Variants in BOK observed in about 807,000 individuals in gnomAD.
BOK encodes BCL2 family apoptosis regulator BOK, also known as bcl-2-related ovarian killer protein.
A neutral mutation model predicts 18.3 loss-of-function variants in BOK; 20 were observed. The observed-to-expected ratio is 1.09, with a 90% CI of 0.77 to 1.59. The LOEUF is 1.59. BOK is among the 40% of genes most tolerant of loss of function. BOK has a pLI of 0.00. For missense variants in BOK, 348 were observed against 307.9 expected (o/e 1.13, Z -0.97); for synonymous variants, 173 against 142.4 (o/e 1.21, Z -1.53).
intron 3 of BOK, among the ~76,000 whole-genome samples, chr2:241,566,379 A>G (rs1575000652): frequency 1.4e-5 from 2 of 140,664 alleles, no homozygotes; most frequent in Admixed American, 7.2e-5. Flanking sequence ...GCTCACTGCA[A>G]CCTCCATTTC....
intron 3 of BOK, among the ~76,000 whole-genome samples, chr2:241,565,162 C>A (rs1304497886): frequency 6.6e-6 from 1 of 152,120 alleles, no homozygotes; most frequent in Non-Finnish European, 1.5e-5. Flanking sequence ...AAACCGGAGC[C>A]CACTCCCCTG....
At chr2:241,551,818 C>A (rs1001941021) in intron 1 of BOK, among the ~76,000 whole-genome samples, 1 of 152,064 alleles carries the variant, frequency 6.6e-6, no homozygotes, top group South Asian at 2.1e-4. Flanking sequence ...TCGACCGCAG[C>A]GAGGGTGGGC....
At chr2:241,566,296 T>A (rs892443706) in intron 3 of BOK, among the ~76,000 whole-genome samples, 7 of 84,100 alleles carry the variant, frequency 8.3e-5, no homozygotes, top group African/African-American at 3.7e-4. Flanking sequence ...CTTTTTTTTC[T>A]TTTTTCTTTT....
chr2:241,571,683 C>T (rs1326858376), intron 4 of BOK, among the ~76,000 whole-genome samples: 1 of 152,220 alleles, frequency 6.6e-6, no homozygotes. Context: ...TGAGCAACGC[C>T]AAGGCCACAG....
At chr2:241,565,639 C>T (rs1347354233) in intron 3 of BOK, among the ~76,000 whole-genome samples, 4 of 152,344 alleles carry the variant, frequency 2.6e-5, no homozygotes, top group Middle Eastern at 3.4e-3. Flanking sequence ...CCAGCCCCTC[C>T]ACTGCAGGCA....
chr2:241,572,453 C>A lies in BOK; in HGVS notation c.*31C>A. 3 of 1,583,648 alleles carry A rather than the reference C, an allele frequency of 1.9e-6. No homozygotes were observed. The highest frequency in any genetic ancestry group is 2.6e-6 in the Non-Finnish European group (3 of 1,172,274). ...CCACCTGGCAGTGGCCGCAGCCTGG[C>A]CCTCTGGGCCCAACGCAGGAGGCCC... On this transcript the variant is annotated 3_prime_UTR_variant, in exon 5 of 5. Transcript: ENST00000318407.
intron 3 of BOK, among the ~76,000 whole-genome samples, chr2:241,563,053 C>T (rs1015554877): frequency 1.3e-5 from 2 of 152,136 alleles, no homozygotes; most frequent in African/African-American, 2.4e-5. Context: ...GGAGGGCATC[C>T]GGAGAACAGC....
chr2:241,562,286 C>A lies in BOK; in HGVS notation c.221-62C>A. The A allele has an allele frequency of 6.5e-7, 1 of 1,537,086 alleles. No homozygotes were observed. The highest frequency in any genetic ancestry group is 1.4e-5 in the African/African-American group (1 of 73,394). The stretch of plus-strand genomic sequence containing the variant: ...GGTCAGGTGCAGGGTGTGCCCCAAG[C>A]CAGTCGTGTCCCAGGAAGCTGGGAC... On this transcript the variant is annotated intron_variant, in intron 2 of 4. Transcript: ENST00000318407. The surrounding 1 kb of genome is among the most constrained non-coding windows in gnomAD (Gnocchi z 4.5).
At position 241,572,526 on chromosome 2, in the gene BOK, T is replaced by C; in HGVS notation, c.*104T>C. 6.8e-7 allele frequency: 1 copy of C among 1,478,004 alleles called. No individual in the cohort carries two copies. The highest frequency in any genetic ancestry group is 1.3e-5 in the South Asian group (1 of 76,104). The allele number at this position is 1,478,004 out of a possible 1,614,324, so 91.6% of individuals were successfully genotyped here. A position where few individuals can be genotyped will look rare whatever the true frequency, so the allele number is the denominator to read the frequency against. ...TCCTCCCCACCCGAGCCTGGAGCAC[T>C]CTAACCCTCGGAGACCCCCTAAGCC... On this transcript the variant is annotated 3_prime_UTR_variant, in exon 5 of 5. Coordinates refer to ENST00000318407, the MANE Select transcript of BOK (RefSeq NM_032515.5).
At chr2:241,566,916 T>A (rs2066625481) in intron 3 of BOK, among the ~76,000 whole-genome samples, 1 of 133,512 alleles carries the variant, frequency 7.5e-6, no homozygotes, top group Non-Finnish European at 1.6e-5. Context: ...GTTCTAGAAT[T>A]AGATAGAGGT....
chr2:241,560,901 G>C (rs1308036584), intron 2 of BOK, among the ~76,000 whole-genome samples: 2 of 152,162 alleles, frequency 1.3e-5, no homozygotes, highest in South Asian at 2.1e-4. Context: ...CTGCCCTCAC[G>C]GCTGCTCAGG....
intron 2 of BOK, among the ~76,000 whole-genome samples, chr2:241,560,737 G>C (rs575908771): frequency 6.6e-6 from 1 of 152,172 alleles, no homozygotes; most frequent in East Asian, 1.9e-4. Flanking sequence ...CATGAGATCC[G>C]CCGCCTGCTG....
At chr2:241,563,631 C>T (rs957005231) in intron 3 of BOK, among the ~76,000 whole-genome samples, 1 of 152,210 alleles carries the variant, frequency 6.6e-6, no homozygotes, top group Non-Finnish European at 1.5e-5. Flanking sequence ...GCCTTGCACA[C>T]CCTTGTCTGG....
chr2:241,572,588 G>A lies in BOK; in HGVS notation c.*166G>A, dbSNP rs946457941. The A allele has an allele frequency of 3.7e-6, 4 of 1,085,266 alleles. No homozygotes were observed. Among genetic ancestry groups the A allele is most frequent in the Non-Finnish European group, 3.9e-6 (3 of 776,014 alleles). 67.2% of individuals were successfully genotyped at this position (1,085,266 alleles called of 1,614,324 possible). A position where few individuals can be genotyped will look rare whatever the true frequency, so the allele number is the denominator to read the frequency against. On this transcript the variant is annotated 3_prime_UTR_variant, in exon 5 of 5. Coordinates refer to ENST00000318407, the MANE Select transcript of BOK (RefSeq NM_032515.5). ...CAGACCCAGGCCCTCCGGAAGGGGT[G>A]AGTGGGGAGGGGCTTTCCTGAGCCT...
At chr2:241,568,313 G>A (rs770981137) in intron 3 of BOK, among the ~76,000 whole-genome samples, 11 of 151,948 alleles carry the variant, frequency 7.2e-5, no homozygotes, top group Non-Finnish European at 1.2e-4. Flanking sequence ...GTAGAGATGG[G>A]GTTTCACCGT....
At chr2:241,556,220 C>T (rs1244118128), upstream of BOK, among the ~76,000 whole-genome samples, 1 of 152,246 alleles carries the variant, frequency 6.6e-6, no homozygotes, top group Non-Finnish European at 1.5e-5. Flanking sequence ...TCAGATTTTA[C>T]TGTACTACAG....
At chr2:241,551,415 T>C (rs1398281067), upstream of BOK, 1 of 152,248 alleles carries the variant, frequency 6.6e-6, no homozygotes, top group African/African-American at 2.4e-5. Context: ...CCCTTCCTTC[T>C]AGAAGCAGCG....
At chr2:241,564,563 CAG>C (rs1163137958) in intron 3 of BOK, among the ~76,000 whole-genome samples, 1 of 144,560 alleles carries the variant, frequency 6.9e-6, no homozygotes, top group African/African-American at 2.6e-5. Flanking sequence ...TGGTGTGGCT[CAG>C]GGGCCGGGTG....
rs2066496552 is a variant in BOK, at chr2:241,559,674, C to G, written c.191C>G (p.Ala64Gly). The G allele has an allele frequency of 2.2e-6, 3 of 1,367,130 alleles. No homozygotes were observed. Among genetic ancestry groups the G allele is most frequent in the Non-Finnish European group, 2.8e-6 (3 of 1,069,010 alleles). 84.7% of individuals were successfully genotyped at this position (1,367,130 alleles called of 1,614,324 possible). Reference protein sequence around the residue: ...ERAAPVPGRLAEVCAVLLRLG... With the variant: ...ERAAPVPGRLGEVCAVLLRLG... ...GCCGCGCCGGTCCCGGGACGCCTGG[C>G]TGAGGTGTGCGCGGTGCTGCTGCGC... is the stretch of plus-strand genomic sequence containing the variant. The change falls in exon 2 of 5, where the codon GCT becomes GGT. Residue 64 changes from alanine (A) to glycine (G), a missense_variant. Ala to Gly is a moderately conservative substitution (Grantham distance 60, BLOSUM62 0). Coordinates refer to ENST00000318407, the MANE Select transcript of BOK (RefSeq NM_032515.5).
Sources: gnomAD v4.1 joint callset for allele counts (sites outside exome capture counted in the v4.1 genomes callset) on GRCh38, gnomAD v4.1.1 for gene constraint, Gnocchi (gnomAD v3.1) non-coding constraint, MANE v1.5 for transcripts, NCBI Gene and HGNC (gene_info 2026-07-23, HGNC 2026-07-21) for gene names.